ITGB2: variants seen among roughly 807,000 people sequenced by gnomAD.
ITGB2 encodes integrin beta-2.
In ITGB2, 56 loss-of-function variants were observed where a neutral mutation model predicts 86.8. That is an observed-to-expected ratio of 0.65 (90% confidence interval 0.52 to 0.81). ITGB2 has a LOEUF of 0.81. Among genes scored for constraint, ITGB2 ranks in the 30% least tolerant of loss-of-function variants. ITGB2 has a pLI of 0.00. For synonymous variants in ITGB2, 457 were observed against 450.4 expected, an observed-to-expected ratio of 1.01 and a Z score of -0.19; for missense variants, 948 against 1,061.2, an observed-to-expected ratio of 0.89 and a Z score of 1.48.
chr21:44,892,038 C>A (rs1326745098), intron 10 of ITGB2, 42 bp from the exon 11 acceptor site: 1 of 1,592,836 alleles, frequency 6.3e-7, no homozygotes, highest in South Asian at 1.1e-5. Context: ...CCTCGGTGGC[C>A]AGGGTGGCAG....
chr21:44,892,565 A>G (rs565026636), intron 10 of ITGB2, among the ~76,000 whole-genome samples: 11 of 142,204 alleles, frequency 7.7e-5, no homozygotes, highest in African/African-American at 2.4e-4. Flanking sequence ...AGATCGCACC[A>G]GTGCACTCCA....
Position 44,903,540 on chromosome 21 carries a change from C to G in ITGB2, c.329-5G>C, listed in dbSNP as rs749767460. ...CGTTGAACGCTGCTGCCTGGCCTGCCGGTGGGGACAGAACAAAAGGAGCCA... is the reference window on the plus strand; with the variant it reads ...CGTTGAACGCTGCTGCCTGGCCTGCGGGTGGGGACAGAACAAAAGGAGCCA... On this transcript the variant is annotated splice_region_variant and splice_polypyrimidine_tract_variant and intron_variant, in intron 4 of 15. Transcript: ENST00000652462. 2.0e-5 allele frequency: 33 copies of G among 1,613,762 alleles called. No individual in the cohort carries two copies. The Admixed American group carries it at 5.2e-4, about 25-fold the overall frequency.
chr21:44,925,422 G>GGGAAGGAAGGAAGGAA (rs71334040), upstream of ITGB2, among the ~76,000 whole-genome samples: 5 of 54,740 alleles, frequency 9.1e-5, no homozygotes, highest in South Asian at 6.6e-4. Flanking sequence ...GAGGGAGGGA[G>GGGAAGGAAGGAAGGAA]GGAAGGAAGG....
chr21:44,902,173 C>T (rs1026296562), intron 5 of ITGB2, among the ~76,000 whole-genome samples: 1 of 152,080 alleles, frequency 6.6e-6, no homozygotes, highest in Non-Finnish European at 1.5e-5. Flanking sequence ...CGTAGGTGAC[C>T]AGGTACATAT....
At chr21:44,889,580 G>C (rs965657794) in intron 12 of ITGB2, 85 bp from the exon 13 acceptor site, 9 of 1,218,228 alleles carry the variant, frequency 7.4e-6, no homozygotes, top group South Asian at 1.3e-5. Context: ...TGCTCCCTCC[G>C]GCCCGCCTGC....
At chr21:44,925,034 C>T (rs1327157484), upstream of ITGB2, among the ~76,000 whole-genome samples, 1 of 151,978 alleles carries the variant, frequency 6.6e-6, no homozygotes, top group Non-Finnish European at 1.5e-5. Context: ...AAGTTCTGGG[C>T]AAGTCAGGCA....
intron 11 of ITGB2, among the ~76,000 whole-genome samples, chr21:44,891,277 G>A (rs2083782323): frequency 6.6e-6 from 1 of 152,176 alleles, no homozygotes; most frequent in Admixed American, 6.5e-5. Context: ...CAGGGGGTGT[G>A]CACGCCCAAG....
chr21:44,905,427 C>G (rs1057158011), intron 4 of ITGB2, among the ~76,000 whole-genome samples: 1 of 152,178 alleles, frequency 6.6e-6, no homozygotes, highest in Non-Finnish European at 1.5e-5. Context: ...CCACCCTTCC[C>G]CACGGCACAA....
chr21:44,908,400 A>ATAT (rs201492411), intron 3 of ITGB2, among the ~76,000 whole-genome samples: 49 of 151,700 alleles, frequency 3.2e-4, no homozygotes, highest in Non-Finnish European at 4.6e-4. Context: ...TAAACTAATA[A>ATAT]TATTATTATT....
intron 9 of ITGB2, 83 bp downstream of exon 9, chr21:44,894,888 C>A: frequency 1.0e-6 from 1 of 989,320 alleles, no homozygotes; most frequent in Non-Finnish European, 1.6e-6. Context: ...CACCCTCCTG[C>A]TGACCTGCAG....
At position 44,889,462 on chromosome 21, in the gene ITGB2, C is replaced by T; in HGVS notation, c.1691G>A (p.Cys564Tyr). The T allele has an allele frequency of 1.9e-6, 3 of 1,591,542 alleles. No individual in the cohort carries two copies. The change falls in exon 13 of 16, where the codon TGC becomes TAC. Residue 564 changes from cysteine (C) to tyrosine (Y), a missense_variant. Transcript: ENST00000652462. ...CGCTGAGCCCTCAAAGCCCGGGTGG[C>T]AGCGGCACTTCCCGCAGAAGCAGAG... ...RGLCFCGKCR[C>Y]HPGFEGSACQ...
In ITGB2 at chr21:44,890,129, G is replaced by A; in HGVS notation, c.1506C>T (p.Asn502=). 6.2e-7 allele frequency: 1 copy of A among 1,613,474 alleles called. No homozygotes were observed. Among genetic ancestry groups the A allele is most frequent in the Admixed American group, 1.7e-5 (1 of 60,028 alleles). Residue 502 remains asparagine, a synonymous_variant, in exon 12 of 16, where the codon AAC becomes AAT. Transcript: ENST00000652462. ...CCCCCAGCCCTGAGCAGATGATGGA[G>A]TTGTTGTCCTTCCGGCAGCTTCCTT... The part of the protein sequence containing the change: ...ELEGSCRKDN[N]SIICSGLGDC...
upstream of ITGB2, among the ~76,000 whole-genome samples, chr21:44,922,684 T>C (rs1432036583): frequency 7.2e-6 from 1 of 139,006 alleles, no homozygotes; most frequent in Non-Finnish European, 1.6e-5. Context: ...AAAAGGCAAA[T>C]CCTTTAAAAG....
chr21:44,908,399 A>T (rs1021570734), intron 3 of ITGB2, among the ~76,000 whole-genome samples: 31 of 150,462 alleles, frequency 2.1e-4, no homozygotes, highest in African/African-American at 4.3e-4. Flanking sequence ...TTAAACTAAT[A>T]ATATTATTAT....
intron 1 of ITGB2, among the ~76,000 whole-genome samples, chr21:44,926,208 C>A (rs914362613): frequency 5.1e-5 from 7 of 136,066 alleles, no homozygotes; most frequent in Non-Finnish European, 1.1e-4. Context: ...CTTCCCAGAG[C>A]CGTGACCTTG....
chr21:44,887,172 G>A lies in ITGB2; in HGVS notation c.2081-270C>T, dbSNP rs548119310. ...GAGAAGAAGGCAGGGCCAGGGTACC[G>A]GGCAGCCAGGACAGAGTGCTAATAC... On this transcript the variant is annotated intron_variant, in intron 14 of 15. Coordinates refer to ENST00000652462, the MANE Select transcript of ITGB2 (RefSeq NM_000211.5). Among the ~76,000 whole-genome samples the A allele has an allele frequency of 7.2e-5, 11 of 152,246 alleles. No homozygotes were observed. In the South Asian group the frequency reaches 1.0e-3, roughly 14 times the overall value.
intron 1 of ITGB2, chr21:44,927,526 C>T (rs2084389205): frequency 1.3e-5 from 2 of 152,292 alleles, no homozygotes; most frequent in East Asian, 1.9e-4. Context: ...CGCCCACCCT[C>T]CAACCTGCCT....
chr21:44,913,144 G>A (rs1463179922), intron 1 of ITGB2, among the ~76,000 whole-genome samples: 1 of 150,906 alleles, frequency 6.6e-6, no homozygotes, highest in African/African-American at 2.4e-5. Flanking sequence ...CCAGGGTGCA[G>A]GGTCCAGCCG....
intron 1 of ITGB2, among the ~76,000 whole-genome samples, chr21:44,918,939 G>A (rs8129251): frequency 0.23 from 16,395 of 72,450 alleles, 833 homozygotes; most frequent in African/African-American, 0.37. Context: ...GTGGCTAAGC[G>A]TCCCCTCTCC....
Sources: allele counts gnomAD v4.1 joint callset (sites outside exome capture counted in the v4.1 genomes callset), GRCh38; gene constraint gnomAD v4.1.1; transcripts MANE v1.5; gene names NCBI Gene and HGNC (gene_info 2026-07-23, HGNC 2026-07-21).